Variants in MACROD2 observed in about 807,000 individuals in gnomAD.
MACROD2 encodes the protein mono-ADP ribosylhydrolase 2, also known as ADP-ribose glycohydrolase MACROD2.
A neutral mutation model predicts 70.4 loss-of-function variants in MACROD2; 36 were observed. The ratio of observed to expected loss-of-function variants is 0.51; its 90% confidence interval spans 0.39 to 0.68. The LOEUF (loss-of-function observed/expected upper bound fraction) is 0.68. Ranked by LOEUF, MACROD2 falls within the 30% of genes least tolerant of loss-of-function variation. The pLI is 0.00. For synonymous variants in MACROD2, 172 were observed against 178.8 expected (o/e 0.96, Z 0.30); for missense variants, 496 against 538.4 (o/e 0.92, Z 0.78).
rs932141029 is a variant in MACROD2 at position 14,829,540 on chromosome 20, C to T, written c.418+144581C>T. ...TCACCTGAGCCAGCTGAAGTTCTAG[C>T]GGCAGTTGTCTAATGATGATTTTTA... On this transcript the variant is annotated intron_variant, in intron 5 of 17. Transcript: ENST00000684519. Among the ~76,000 whole-genome samples the T allele has an allele frequency of 5.3e-5, 8 of 151,916 alleles. 1 individual carries two copies. Among genetic ancestry groups the T allele is most frequent in the South Asian group, 2.1e-4 (1 of 4,816 alleles).
chr20:15,638,713 A>G (rs576048395), intron 8 of MACROD2, among the ~76,000 whole-genome samples: 6 of 152,352 alleles, frequency 3.9e-5, no homozygotes, highest in Non-Finnish European at 5.9e-5. Context: ...AGAGCATTAT[A>G]AAATCAGAAT....
chr20:14,549,559 G>A (rs958931607), intron 4 of MACROD2, among the ~76,000 whole-genome samples: 1 of 151,754 alleles, frequency 6.6e-6, no homozygotes, highest in Non-Finnish European at 1.5e-5. Flanking sequence ...ATCACATAGG[G>A]ATAATTATGC....
At chr20:14,444,835 GTA>G (rs534382023) in intron 3 of MACROD2, among the ~76,000 whole-genome samples, 22 of 151,062 alleles carry the variant, frequency 1.5e-4, no homozygotes, top group Admixed American at 2.0e-4. Context: ...CTGTGTGTGT[GTA>G]TATATATATA....
At chr20:15,819,680 T>C (rs1033899123) in intron 8 of MACROD2, among the ~76,000 whole-genome samples, 2 of 151,724 alleles carry the variant, frequency 1.3e-5, no homozygotes, top group Non-Finnish European at 1.5e-5. Flanking sequence ...AGAAGATAAA[T>C]TATTGCATAA....
At chr20:14,790,142 A>T (rs2072431840) in intron 5 of MACROD2, among the ~76,000 whole-genome samples, 1 of 152,116 alleles carries the variant, frequency 6.6e-6, no homozygotes, top group African/African-American at 2.4e-5. Context: ...ATTTTATATA[A>T]ACACTTCTTA....
At chr20:15,846,017 T>C (rs2064227010) in intron 8 of MACROD2, among the ~76,000 whole-genome samples, 1 of 152,204 alleles carries the variant, frequency 6.6e-6, no homozygotes, top group South Asian at 2.1e-4. Flanking sequence ...CTGGATAGAC[T>C]TGAAGTCAGA....
intron 8 of MACROD2, among the ~76,000 whole-genome samples, chr20:15,799,197 AT>A (rs1300598832): frequency 1.3e-5 from 2 of 152,232 alleles, no homozygotes; most frequent in African/African-American, 4.8e-5. Flanking sequence ...TTGATATATA[AT>A]AATTGTACAT....
intron 8 of MACROD2, among the ~76,000 whole-genome samples, chr20:15,614,620 T>C (rs1160176105): frequency 1.3e-5 from 2 of 152,118 alleles, no homozygotes; most frequent in African/African-American, 4.8e-5. Context: ...TATTGCTCAG[T>C]ATACCACATG....
intron 3 of MACROD2, among the ~76,000 whole-genome samples, chr20:14,417,488 C>G (rs761423804): frequency 6.6e-6 from 1 of 152,156 alleles, no homozygotes; most frequent in Non-Finnish European, 1.5e-5. Context: ...GGTTTCACAT[C>G]TCATTACCAG....
intron 3 of MACROD2, among the ~76,000 whole-genome samples, chr20:14,162,170 T>C (rs2055200116): frequency 6.6e-6 from 1 of 152,200 alleles, no homozygotes; most frequent in South Asian, 2.1e-4. Context: ...TATGTGTTTG[T>C]ATGGTTTCAA....
At chr20:14,600,343 T>TATATATATATATATATATAC (rs1320891260) in intron 4 of MACROD2, among the ~76,000 whole-genome samples, 37 of 130,218 alleles carry the variant, frequency 2.8e-4, no homozygotes, top group African/African-American at 1.1e-3. Context: ...TATATATATA[T>TATATATATATATATATATAC]ACACACACAC....
At chr20:15,699,232 G>A (rs1385517900) in intron 8 of MACROD2, among the ~76,000 whole-genome samples, 1 of 152,172 alleles carries the variant, frequency 6.6e-6, no homozygotes, top group Non-Finnish European at 1.5e-5. Flanking sequence ...GTCTAGGGCT[G>A]AAGGCTGTTG....
intron 3 of MACROD2, among the ~76,000 whole-genome samples, chr20:14,424,880 G>A (rs894721195): frequency 2.0e-5 from 3 of 152,138 alleles, no homozygotes; most frequent in African/African-American, 7.2e-5. Flanking sequence ...TCATTTTAGA[G>A]GAACTATAAT....
At chr20:15,581,451 G>A (rs2048522822) in intron 8 of MACROD2, among the ~76,000 whole-genome samples, 1 of 152,114 alleles carries the variant, frequency 6.6e-6, no homozygotes, top group South Asian at 2.1e-4. Context: ...TCAGTATGGA[G>A]AACTTAACAA....
At chr20:14,439,267 AT>A (rs1568612309) in intron 3 of MACROD2, among the ~76,000 whole-genome samples, 1 of 151,898 alleles carries the variant, frequency 6.6e-6, no homozygotes, top group Non-Finnish European at 1.5e-5. Context: ...CTCTTTTTTT[AT>A]GCTAGTACCA....
At chr20:15,994,455 A>C (rs533304137) in intron 15 of MACROD2, among the ~76,000 whole-genome samples, 12 of 152,358 alleles carry the variant, frequency 7.9e-5, no homozygotes, top group African/African-American at 2.4e-4. Flanking sequence ...ACTCTTGAGA[A>C]TACATAAAAA....
At chr20:14,237,178 C>G (rs1053679530) in intron 3 of MACROD2, among the ~76,000 whole-genome samples, 1 of 151,976 alleles carries the variant, frequency 6.6e-6, no homozygotes, top group African/African-American at 2.4e-5. Flanking sequence ...TCATATCTCT[C>G]TGATAGCTTT....
chr20:14,809,013 A>G (rs958555097), intron 5 of MACROD2, among the ~76,000 whole-genome samples: 1 of 151,814 alleles, frequency 6.6e-6, no homozygotes, highest in Non-Finnish European at 1.5e-5. Context: ...CCCACTGTCA[A>G]TATTAGATCA....
At chr20:14,524,257 A>G (rs1365049911) in intron 4 of MACROD2, among the ~76,000 whole-genome samples, 1 of 152,178 alleles carries the variant, frequency 6.6e-6, no homozygotes, top group Non-Finnish European at 1.5e-5. Flanking sequence ...AAAATTTTTT[A>G]AAACTCTTCT....
Sources: gnomAD v4.1 joint callset for allele counts (sites outside exome capture counted in the v4.1 genomes callset) on GRCh38, gnomAD v4.1.1 for gene constraint, MANE v1.5 for transcripts, NCBI Gene and HGNC (gene_info 2026-07-23, HGNC 2026-07-21) for gene names.